The following TENM3 variants were observed in gnomAD, a reference collection of about 807,000 sequenced individuals.
TENM3 encodes teneurin-3.
TENM3 carries 63 observed loss-of-function variants against 255.1 expected under a neutral mutation model. The observed-to-expected ratio is 0.25, with a 90% CI of 0.20 to 0.30. The LOEUF (loss-of-function observed/expected upper bound fraction) is 0.30. TENM3 is among the 10% of genes least tolerant of loss of function. TENM3 has a pLI of 1.00. For missense variants in TENM3, 2,929 were observed against 3,461.1 expected, an observed-to-expected ratio of 0.85 and a Z score of 3.86; for synonymous variants, 1,306 against 1,322.3, an observed-to-expected ratio of 0.99 and a Z score of 0.27.
At chr4:181,685,859 C>T in the TENM3 span, among the ~76,000 whole-genome samples, 1 of 152,104 alleles carries the variant, frequency 6.6e-6, no homozygotes, top group African/African-American at 2.4e-5. Context: ...ATATGAAATC[C>T]CTGCACATTT....
intron 3 of TENM3, among the ~76,000 whole-genome samples, chr4:182,560,824 A>G (rs547305911): frequency 1.3e-5 from 2 of 152,256 alleles, no homozygotes; most frequent in East Asian, 3.9e-4. Context: ...AAATAACAAT[A>G]TAATGAACAG....
intron 3 of TENM3, among the ~76,000 whole-genome samples, chr4:182,554,546 TTGTGTGTGTGTGTGCACGTATG>T (rs1264597692): frequency 1.3e-5 from 2 of 151,640 alleles, no homozygotes; most frequent in Non-Finnish European, 2.9e-5. Flanking sequence ...GCCAGGCAAT[TTGTGTGTGTGTGTGCACGTATG>T]TGTGTGTGTG....
the TENM3 span, among the ~76,000 whole-genome samples, chr4:181,783,357 C>G: frequency 1.3e-5 from 2 of 152,118 alleles, no homozygotes; most frequent in Non-Finnish European, 2.9e-5. Flanking sequence ...CTGTCTCTAT[C>G]TTTCTCCTCT....
intron 3 of TENM3, among the ~76,000 whole-genome samples, chr4:182,463,165 G>T (rs1203355646): frequency 6.6e-6 from 1 of 151,886 alleles, no homozygotes; most frequent in Non-Finnish European, 1.5e-5. Context: ...GAAACAAATA[G>T]AAAAATGAAA....
At chr4:181,455,692 G>C in the TENM3 span, among the ~76,000 whole-genome samples, 2 of 151,900 alleles carry the variant, frequency 1.3e-5, no homozygotes, top group Non-Finnish European at 2.9e-5. Context: ...CATCTGTTGA[G>C]GGTTTAGTGG....
At position 182,409,458 on chromosome 4, in the gene TENM3, T is replaced by C. The variant is rs536929877; in HGVS notation, c.511+62529T>C. On this transcript the variant is annotated intron_variant, in intron 3 of 27. Coordinates refer to ENST00000511685, the MANE Select transcript of TENM3 (RefSeq NM_001080477.4). ...TTTTAACTGTAATAGCCCCAGGAGC[T>C]TTGGCTGCGGTATTTTCCCCTGTCG... 1.2e-4 allele frequency among the ~76,000 whole-genome samples: 19 copies of C among 152,296 alleles called. No individual in the cohort carries two copies. In the East Asian group the frequency reaches 3.7e-3, roughly 29 times the overall value.
chr4:182,773,367 T>C (rs1764420433), intron 22 of TENM3, 105 bp from the exon 23 acceptor site: 17 of 1,038,456 alleles, frequency 1.6e-5, no homozygotes, highest in African/African-American at 3.2e-5. Flanking sequence ...CGAAGACAAA[T>C]AGTCCTCCAA....
At chr4:181,982,077 G>A in the TENM3 span, among the ~76,000 whole-genome samples, 2 of 152,164 alleles carry the variant, frequency 1.3e-5, no homozygotes, top group East Asian at 1.9e-4. Context: ...GAGACCAGGA[G>A]GGAGCAAAGC....
At chr4:182,786,177 C>T (rs889939431) in intron 24 of TENM3, among the ~76,000 whole-genome samples, 2 of 152,032 alleles carry the variant, frequency 1.3e-5, no homozygotes, top group Non-Finnish European at 2.9e-5. Context: ...AGGTGCTTGT[C>T]CAAGGCACGC....
chr4:181,710,668 GC>G, the TENM3 span, among the ~76,000 whole-genome samples: 1 of 152,056 alleles, frequency 6.6e-6, no homozygotes, highest in Non-Finnish European at 1.5e-5. Flanking sequence ...TTTGCAGTGA[GC>G]TGAGATCTCG....
chr4:182,534,056 A>C (rs1270446748), intron 3 of TENM3, among the ~76,000 whole-genome samples: 1 of 152,238 alleles, frequency 6.6e-6, no homozygotes, highest in Non-Finnish European at 1.5e-5. Flanking sequence ...TCATTGATTC[A>C]GTAGATGCTT....
the TENM3 span, among the ~76,000 whole-genome samples, chr4:181,598,989 T>A: frequency 3.0e-4 from 45 of 152,342 alleles, no homozygotes; most frequent in African/African-American, 1.1e-3. Flanking sequence ...TAGTGCTTAA[T>A]GTTAACCAAT....
chr4:182,349,784 ATTTTC>A, intron 3 of TENM3: 1 of 305,736 alleles, frequency 3.3e-6, no homozygotes, highest in South Asian at 2.8e-5. Context: ...TTCTGGTTAT[ATTTTC>A]TTTTGACTCT....
At chr4:181,724,383 G>A in the TENM3 span, among the ~76,000 whole-genome samples, 2 of 151,446 alleles carry the variant, frequency 1.3e-5, no homozygotes, top group Middle Eastern at 3.4e-3. Flanking sequence ...ATACCTCCTG[G>A]ACTAGTTCTC....
At chr4:182,097,869 C>T in the TENM3 span, among the ~76,000 whole-genome samples, 3 of 152,076 alleles carry the variant, frequency 2.0e-5, no homozygotes, top group Non-Finnish European at 2.9e-5. Context: ...AAAAATGAAG[C>T]CCCCAAAATG....
intron 3 of TENM3, among the ~76,000 whole-genome samples, chr4:182,422,927 C>T (rs1770943668): frequency 6.6e-6 from 1 of 152,116 alleles, no homozygotes; most frequent in Non-Finnish European, 1.5e-5. Context: ...GCGGAGCTCA[C>T]GGAGCTCGTA....
chr4:182,252,994 C>T lies in TENM3; in HGVS notation c.-76+9518C>T, dbSNP rs139975342. ...ATCAAAGGCCTTGGCTATATTTTCC[C>T]ATGAACTCTGCCGGCAGACACGAAA... On this transcript the variant is annotated intron_variant, in intron 1 of 27. Coordinates refer to ENST00000511685, the MANE Select transcript of TENM3 (RefSeq NM_001080477.4). Among the ~76,000 whole-genome samples the T allele has an allele frequency of 5.3e-5, 8 of 152,288 alleles. No individual in the cohort carries two copies. The East Asian group carries it at 1.5e-3, about 29-fold the overall frequency.
the TENM3 span, among the ~76,000 whole-genome samples, chr4:182,080,086 G>A: frequency 1.3e-5 from 2 of 152,202 alleles, no homozygotes; most frequent in East Asian, 1.9e-4. Context: ...AGAAGGAAAA[G>A]GAGCTTGAAT....
At chr4:182,722,246 A>G (rs1224359098) in intron 13 of TENM3, among the ~76,000 whole-genome samples, 1 of 152,206 alleles carries the variant, frequency 6.6e-6, no homozygotes, top group Non-Finnish European at 1.5e-5. Flanking sequence ...GGAGTAAAAA[A>G]GAAATAGGAA....
Sources: gnomAD v4.1 joint callset for allele counts (sites outside exome capture counted in the v4.1 genomes callset) on GRCh38, gnomAD v4.1.1 for gene constraint, MANE v1.5 for transcripts, NCBI Gene and HGNC (gene_info 2026-07-23, HGNC 2026-07-21) for gene names.